SPACA6: variants seen among roughly 807,000 people sequenced by gnomAD.
The protein encoded by SPACA6 is sperm acrosome associated 6.
For missense variants in SPACA6, 8 were observed against 2.8 expected (o/e 2.88, Z -1.34); for synonymous variants, 6 against 1.5 (o/e 4.05, Z -2.21).
In SPACA6 at chr19:51,704,198, C is replaced by T. The variant is rs1179126487; in HGVS notation, c.730+12C>T. On this transcript the variant is annotated intron_variant, in intron 7 of 8. Transcript: ENST00000637797. Reference sequence around the variant, plus strand: ...CTTCTTTCTTAACGGTGGGGCGGGGCGCGGCCGCGTGAGTGAGCGGGGTCG... The same window carrying T: ...CTTCTTTCTTAACGGTGGGGCGGGGTGCGGCCGCGTGAGTGAGCGGGGTCG... 7 of 400,886 alleles carry T rather than the reference C, an allele frequency of 1.7e-5. No individual in the cohort carries two copies. The highest frequency in any genetic ancestry group is 4.4e-5 in the Admixed American group (1 of 22,738). 24.8% of individuals were successfully genotyped at this position (400,886 alleles called of 1,614,324 possible).
At chr19:51,702,755 T>C (rs1600142473) in intron 4 of SPACA6, 103 bp downstream of exon 4, 1 of 398,968 alleles carries the variant, frequency 2.5e-6, no homozygotes, top group African/African-American at 2.1e-5. Flanking sequence ...TTCACATCCT[T>C]AGGAAGCCAA....
intron 4 of SPACA6, 49 bp from the exon 5 acceptor site, chr19:51,702,972 G>C (rs1188405684): frequency 5.0e-6 from 2 of 399,060 alleles, no homozygotes; most frequent in Non-Finnish European, 8.8e-6. Flanking sequence ...CAAGGGCCCC[G>C]GGCTTGGAAG....
intron 2 of SPACA6, among the ~76,000 whole-genome samples, chr19:51,701,308 T>G (rs1244185443): frequency 6.6e-6 from 1 of 152,086 alleles, no homozygotes; most frequent in Non-Finnish European, 1.5e-5. Flanking sequence ...TAAGACCTAA[T>G]AGGCCTTGGT....
chr19:51,694,377 G>A (rs1251983028), intron 1 of SPACA6, 101 bp from the exon 2 acceptor site: 8 of 396,860 alleles, frequency 2.0e-5, no homozygotes, highest in East Asian at 1.1e-4. Context: ...GGAGGATACA[G>A]ACTTGGGAGG....
upstream of SPACA6, among the ~76,000 whole-genome samples, chr19:51,691,001 G>A (rs2083366072): frequency 1.4e-5 from 1 of 71,486 alleles, no homozygotes; most frequent in South Asian, 5.8e-4. Context: ...AGGTTGGGAA[G>A]GAGGGAAGGG....
chr19:51,692,817 G>A (rs371703599), upstream of SPACA6: 13 of 534,368 alleles, frequency 2.4e-5, no homozygotes, highest in Non-Finnish European at 4.2e-5. This position sits in a 1 kb window ranked among gnomAD's most constrained non-coding sequence, Gnocchi z 5.6. Flanking sequence ...GTATAGTTGA[G>A]GAGGACACCC....
rs551117109 is a variant in SPACA6, at chr19:51,703,584, C to G, written c.573+247C>G. ...GACCAAGGCGGGAGGATGGCTTGAG[C>G]CCAGGAGTTTGAGACCGGCCTCGGC... On this transcript the variant is annotated intron_variant, in intron 6 of 8. Coordinates refer to ENST00000637797, the MANE Select transcript of SPACA6 (RefSeq NM_001316972.2). The surrounding 1 kb of genome is among the most constrained non-coding windows in gnomAD (Gnocchi z 4.2). Among the ~76,000 whole-genome samples the G allele has an allele frequency of 7.2e-5, 11 of 152,214 alleles. No homozygotes were observed. The South Asian group carries it at 1.7e-3, about 23-fold the overall frequency.
chr19:51,682,836 C>T, the SPACA6 span, among the ~76,000 whole-genome samples: 2 of 152,110 alleles, frequency 1.3e-5, no homozygotes, highest in East Asian at 1.9e-4. Flanking sequence ...TGAGGTCAGG[C>T]GTTTGAGACC....
Position 51,703,612 on chromosome 19 carries a change from CAAATT to C in SPACA6, c.573+278_573+282del, listed in dbSNP as rs2083487698. The stretch of plus-strand genomic sequence containing the variant: ...AGGAGTTTGAGACCGGCCTCGGCAA[CAAATT>C]AAGACCCCTCCTCTGCCAAAAAATT... On this transcript the variant is annotated intron_variant, in intron 6 of 8. Transcript: ENST00000637797. The surrounding 1 kb of genome is among the most constrained non-coding windows in gnomAD (Gnocchi z 4.2). Among the ~76,000 whole-genome samples, 1 of 152,068 alleles carries C rather than the reference CAAATT, an allele frequency of 6.6e-6. No individual in the cohort carries two copies. Among genetic ancestry groups the C allele is most frequent in the Non-Finnish European group, 1.5e-5 (1 of 68,024 alleles).
At chr19:51,687,533 CA>C (rs1410430408), upstream of SPACA6, 2 of 147,274 alleles carry the variant, frequency 1.4e-5, no homozygotes, top group Non-Finnish European at 3.0e-5. Context: ...GTGATCCTAT[CA>C]GGGGACAGAA....
chr19:51,705,857 C>T (rs368528888), downstream of SPACA6, among the ~76,000 whole-genome samples: 24 of 152,168 alleles, frequency 1.6e-4, no homozygotes, highest in African/African-American at 5.3e-4. Context: ...CCACCACACC[C>T]GGCTAATTTT....
At chr19:51,701,583 C>A in intron 2 of SPACA6, 75 bp from the exon 3 acceptor site, 1 of 397,282 alleles carries the variant, frequency 2.5e-6, no homozygotes, top group African/African-American at 2.1e-5. Flanking sequence ...CAGGCTAGAT[C>A]AGAATGCAGG....
upstream of SPACA6, chr19:51,688,007 A>C (rs1600127594): frequency 1.3e-5 from 2 of 151,036 alleles, no homozygotes; most frequent in East Asian, 2.0e-4. Flanking sequence ...CCCAGCCTCC[A>C]CCCGTCTCTC....
intron 2 of SPACA6, among the ~76,000 whole-genome samples, chr19:51,710,512 G>A (rs1383331085): frequency 1.3e-5 from 2 of 152,170 alleles, no homozygotes; most frequent in South Asian, 2.1e-4. Flanking sequence ...GGAGGAAGGC[G>A]AGAAGATATT....
At chr19:51,690,051 GC>G (rs2083356474), upstream of SPACA6, among the ~76,000 whole-genome samples, 1 of 149,822 alleles carries the variant, frequency 6.7e-6, no homozygotes, top group South Asian at 2.1e-4. Context: ...GGTTGTCTGG[GC>G]TGCCAGACAG....
intron 2 of SPACA6, among the ~76,000 whole-genome samples, chr19:51,698,258 C>G (rs572442276): frequency 1.3e-5 from 2 of 152,200 alleles, no homozygotes; most frequent in Non-Finnish European, 2.9e-5. Context: ...CCCAGATGAT[C>G]TGAACCAGGG....
rs758433143 is a variant in SPACA6 at position 51,693,346 on chromosome 19, C to G, written c.-181C>G. 118 of 744,962 alleles carry G rather than the reference C, an allele frequency of 1.6e-4. 1 individual carries two copies. The highest frequency in any genetic ancestry group is 6.9e-4 in the Middle Eastern group (3 of 4,358). 46.1% of individuals were successfully genotyped at this position (744,962 alleles called of 1,614,324 possible). ...GGGAGCCTGGCGTCTGGCCCAACCA[C>G]ACACCTGGGGAATTGCTGGCCTGAC... On this transcript the variant is annotated 5_prime_UTR_variant, in exon 1 of 9. Coordinates refer to ENST00000637797, the MANE Select transcript of SPACA6 (RefSeq NM_001316972.2).
chr19:51,685,306 A>AGG (rs1430031571), upstream of SPACA6: 1 of 152,222 alleles, frequency 6.6e-6, no homozygotes, highest in African/African-American at 2.4e-5. Flanking sequence ...AGACTGATAA[A>AGG]GATGGTGATA....
chr19:51,691,937 A>ATGGGGAT (rs1313515820), upstream of SPACA6, among the ~76,000 whole-genome samples: 1 of 152,158 alleles, frequency 6.6e-6, no homozygotes, highest in Non-Finnish European at 1.5e-5. Context: ...TCTGAGGCTC[A>ATGGGGAT]GCCCCCTCAC....
Sources: allele counts gnomAD v4.1 joint callset (sites outside exome capture counted in the v4.1 genomes callset), GRCh38; gene constraint gnomAD v4.1.1; non-coding constraint Gnocchi (gnomAD v3.1); transcripts MANE v1.5; gene names NCBI Gene and HGNC (gene_info 2026-07-23, HGNC 2026-07-21).